The following CDC16 variants were observed in gnomAD, a reference collection of about 807,000 sequenced individuals.
CDC16 encodes the protein cell division cycle 16.
In CDC16, 34 loss-of-function variants were observed where a neutral mutation model predicts 87.0. That is an observed-to-expected ratio of 0.39 (90% CI 0.30 to 0.52). CDC16 has a LOEUF of 0.52. Ranked by LOEUF, CDC16 falls within the 20% of genes least tolerant of loss-of-function variation. The pLI, the probability that CDC16 is intolerant of heterozygous loss-of-function variation, is 0.74. For missense variants in CDC16, 653 were observed against 751.9 expected (o/e 0.87, Z 1.54); for synonymous variants, 263 against 260.6 (o/e 1.01, Z -0.09).
chr13:114,249,159 G>A (rs2082025789), intron 11 of CDC16, among the ~76,000 whole-genome samples: 1 of 151,038 alleles, frequency 6.6e-6, no homozygotes, highest in Non-Finnish European at 1.5e-5. Context: ...GGGAGACAGC[G>A]ACAGGTCATC....
intron 10 of CDC16, 137 bp from the exon 11 acceptor site, chr13:114,246,794 T>C (rs767416671): frequency 3.0e-6 from 2 of 656,636 alleles, no homozygotes; most frequent in Non-Finnish European, 5.5e-6. Flanking sequence ...GTAGACTGTA[T>C]TAGAGAAATG....
chr13:114,250,917 G>A (rs2082135514), intron 12 of CDC16, among the ~76,000 whole-genome samples: 1 of 152,130 alleles, frequency 6.6e-6, no homozygotes, highest in Non-Finnish European at 1.5e-5. Flanking sequence ...TTAGGCCAGT[G>A]GAGGAGAGGA....
chr13:114,246,074 AGT>A, intron 10 of CDC16, 25 bp downstream of exon 10: 2 of 1,140,408 alleles, frequency 1.8e-6, no homozygotes, highest in African/African-American at 3.2e-5. Context: ...TTTTAGTCTT[AGT>A]TTTTTTTTTT....
At chr13:114,239,959 G>T (rs902694544) in intron 5 of CDC16, among the ~76,000 whole-genome samples, 10 of 151,840 alleles carry the variant, frequency 6.6e-5, no homozygotes, top group Admixed American at 2.0e-4. Flanking sequence ...CTTGCTGGCA[G>T]ACATCATATA....
chr13:114,245,821 A>G (rs2138938438), intron 9 of CDC16, 179 bp from the exon 10 acceptor site: 1 of 550,912 alleles, frequency 1.8e-6, no homozygotes, highest in East Asian at 3.3e-5. Context: ...CCTTGCCCAC[A>G]GTGTGTCCTT....
In CDC16 at chr13:114,239,499, T is replaced by TA; in HGVS notation, c.381+10dup. 1 of 1,593,322 alleles carries TA rather than the reference T, an allele frequency of 6.3e-7. No homozygotes were observed. The highest frequency in any genetic ancestry group is 1.3e-5 in the African/African-American group (1 of 74,606). On this transcript the variant is annotated intron_variant, in intron 5 of 17. Coordinates refer to ENST00000356221, the MANE Select transcript of CDC16 (RefSeq NM_001078645.3). ...AAATGTCACAGTCTTCAGTAAGTAG[T>TA]ACTGTGAGCACAGCTCAGTAACGGC...
chr13:114,236,632 T>C lies in CDC16; in HGVS notation c.49-13T>C, dbSNP rs1566629344. 1.2e-6 allele frequency: 2 copies of C among 1,606,990 alleles called. No homozygotes were observed. The highest frequency in any genetic ancestry group is 1.7e-6 in the Non-Finnish European group (2 of 1,178,578). Reference sequence around the variant, plus strand: ...CAGGGCAGTTACCACCTTTTTTTTTTTTTGGTATGCAGCAACAGTATCAAA... The same window carrying C: ...CAGGGCAGTTACCACCTTTTTTTTTCTTTGGTATGCAGCAACAGTATCAAA... On this transcript the variant is annotated splice_polypyrimidine_tract_variant and intron_variant, in intron 1 of 17. Coordinates refer to ENST00000356221, the MANE Select transcript of CDC16 (RefSeq NM_001078645.3).
intron 14 of CDC16, among the ~76,000 whole-genome samples, 188 bp from the exon 15 acceptor site, chr13:114,261,699 C>T (rs554231446): frequency 6.6e-6 from 1 of 152,216 alleles, no homozygotes; most frequent in African/African-American, 2.4e-5. Flanking sequence ...ATAACAGAGT[C>T]CTCAGGAAGT....
intron 1 of CDC16, 90 bp downstream of exon 1, chr13:114,235,222 C>T (rs1296160241): frequency 3.2e-6 from 3 of 925,972 alleles, no homozygotes; most frequent in Non-Finnish European, 4.2e-6. Flanking sequence ...TGTCGGGGCT[C>T]TTGGTGGGGA....
At chr13:114,267,638 A>T (rs2083317511) in intron 17 of CDC16, among the ~76,000 whole-genome samples, 1 of 152,208 alleles carries the variant, frequency 6.6e-6, no homozygotes, top group African/African-American at 2.4e-5. Flanking sequence ...AAAATGATAC[A>T]ATATAGGTTG....
intron 11 of CDC16, among the ~76,000 whole-genome samples, chr13:114,250,058 C>G (rs936257910): frequency 6.6e-6 from 1 of 152,148 alleles, no homozygotes; most frequent in Non-Finnish European, 1.5e-5. Flanking sequence ...CACAGTGGCT[C>G]GTGCCTGTAA....
chr13:114,271,688 A>G (rs544709637), intron 17 of CDC16, among the ~76,000 whole-genome samples: 7 of 151,712 alleles, frequency 4.6e-5, no homozygotes, highest in Admixed American at 1.3e-4. Flanking sequence ...TCACCGTGTT[A>G]GCCAGGATGG....
chr13:114,251,969 A>G (rs1271817592), intron 12 of CDC16, among the ~76,000 whole-genome samples: 1 of 151,462 alleles, frequency 6.6e-6, no homozygotes, highest in East Asian at 1.9e-4. Context: ...TAAGAGCCCT[A>G]CACTAGCCCT....
chr13:114,264,995 C>G, intron 16 of CDC16, 155 bp from the exon 17 acceptor site: 1 of 616,668 alleles, frequency 1.6e-6, no homozygotes, highest in Admixed American at 2.7e-5. Context: ...TGACCCATAA[C>G]CAACTTCAAC....
At chr13:114,261,621 A>C (rs889384076) in intron 14 of CDC16, among the ~76,000 whole-genome samples, 1 of 152,090 alleles carries the variant, frequency 6.6e-6, no homozygotes, top group African/African-American at 2.4e-5. Context: ...TTTGAGGGAA[A>C]GCTCTGAGTT....
rs763999838 is a variant in CDC16, at chr13:114,257,176, C to T, written c.1196C>T (p.Pro399Leu). Residue 399 changes from proline (P) to leucine (L), a missense_variant, in exon 13 of 18, where the codon CCG (proline) becomes CTG (leucine). Coordinates refer to ENST00000356221, the MANE Select transcript of CDC16 (RefSeq NM_001078645.3). ...TTCAGCCAAGCTCTGAGCATTGCAC[C>T]GGAAGACCCTTTTGTTATGCATGAG... is the stretch of plus-strand genomic sequence containing the variant. ...RFFSQALSIA[P>L]EDPFVMHEVG... The T allele has an allele frequency of 5.5e-5, 89 of 1,613,274 alleles. No homozygotes were observed. The highest frequency in any genetic ancestry group is 7.1e-5 in the Non-Finnish European group (84 of 1,179,530).
At chr13:114,236,008 C>T (rs972805963) in intron 1 of CDC16, among the ~76,000 whole-genome samples, 11 of 152,112 alleles carry the variant, frequency 7.2e-5, no homozygotes, top group African/African-American at 2.7e-4. Flanking sequence ...TGGCTTGTCT[C>T]CAGGGGAACT....
chr13:114,257,745 T>A (rs960686953), intron 13 of CDC16, among the ~76,000 whole-genome samples: 1 of 152,212 alleles, frequency 6.6e-6, no homozygotes, highest in Non-Finnish European at 1.5e-5. Context: ...TTTCATGATA[T>A]ACAAATTTTA....
chr13:114,244,671 A>G lies in CDC16; in HGVS notation c.768-219A>G, dbSNP rs1417334571. 5.9e-5 allele frequency: 22 copies of G among 369,946 alleles called. No individual in the cohort carries two copies. The East Asian group carries it at 8.9e-4, about 15-fold the overall frequency. 22.9% of individuals were successfully genotyped at this position (369,946 alleles called of 1,614,324 possible). ...AAAGTAAATGTATGTGATAATGTTT[A>G]TTTTTATTCCTTTCAAATAAACCAG... On this transcript the variant is annotated intron_variant, in intron 8 of 17. Coordinates refer to ENST00000356221, the MANE Select transcript of CDC16 (RefSeq NM_001078645.3).
Sources: gnomAD v4.1 joint callset for allele counts (sites outside exome capture counted in the v4.1 genomes callset) on GRCh38, gnomAD v4.1.1 for gene constraint, MANE v1.5 for transcripts, NCBI Gene and HGNC (gene_info 2026-07-23, HGNC 2026-07-21) for gene names.